The following HECW2 variants were observed in gnomAD, a reference collection of about 807,000 sequenced individuals.
HECW2 encodes HECT, C2 and WW domain containing E3 ubiquitin protein ligase 2, also known as E3 ubiquitin-protein ligase HECW2.
In HECW2, 61 loss-of-function variants were observed where a neutral mutation model predicts 175.2. That is an observed-to-expected ratio of 0.35 (90% CI 0.28 to 0.43). HECW2 has a LOEUF of 0.43. HECW2 is among the 20% of genes least tolerant of loss of function. The probability of loss-of-function intolerance (pLI) is 1.00; values close to 1 mark genes in which losing one functional copy is unlikely to be tolerated. For missense variants in HECW2, 1,524 were observed against 2,000.5 expected (o/e 0.76, Z 4.54); for synonymous variants, 671 against 731.0 (o/e 0.92, Z 1.32).
Position 196,491,470 on chromosome 2 carries a change from G to GTATA in HECW2, c.-35-58013_-35-58012insTATA, listed in dbSNP as rs1365149793. Among the ~76,000 whole-genome samples the GTATA allele has an allele frequency of 1.3e-3, 78 of 60,136 alleles. No homozygotes were observed. The East Asian group carries it at 0.03, about 23-fold the overall frequency. The allele number at this position is 60,136 out of a possible 152,430, so 39.5% of individuals were successfully genotyped here. ...ATACACACTTAGGTATATTAGGTGTGTGTATATATATATATACACATATAT... is the reference window on the plus strand; with the variant it reads ...ATACACACTTAGGTATATTAGGTGTGTATATGTATATATATATATACACATATAT... On this transcript the variant is annotated intron_variant, in intron 1 of 28. Coordinates refer to ENST00000644978, the MANE Select transcript of HECW2 (RefSeq NM_001348768.2).
At position 196,488,395 on chromosome 2, in the gene HECW2, A is replaced by C. The variant is rs192662646; in HGVS notation, c.-35-54937T>G. Among the ~76,000 whole-genome samples the C allele has an allele frequency of 2.6e-5, 4 of 152,306 alleles. No homozygotes were observed. In the East Asian group the frequency reaches 7.7e-4, roughly 29 times the overall value. On this transcript the variant is annotated intron_variant, in intron 1 of 28. Transcript: ENST00000644978. ...AAAAGTCTCAAAGCATAGACACAAA[A>C]CAGCAATTCTTTCTCTTTCTTCTTT...
chr2:196,432,943 T>A (rs1695757912), intron 2 of HECW2, among the ~76,000 whole-genome samples, 189 bp downstream of exon 2: 1 of 152,124 alleles, frequency 6.6e-6, no homozygotes, highest in Non-Finnish European at 1.5e-5. Context: ...AACCACAAAC[T>A]TCATAATATA....
chr2:196,444,133 C>A (rs1354801841), intron 1 of HECW2, among the ~76,000 whole-genome samples: 1 of 152,226 alleles, frequency 6.6e-6, no homozygotes, highest in Admixed American at 6.5e-5. Context: ...AACTTTTACT[C>A]CTTTGTAACC....
intron 2 of HECW2, among the ~76,000 whole-genome samples, chr2:196,402,801 G>GA (rs1234055331): frequency 9.1e-6 from 1 of 109,812 alleles, no homozygotes; most frequent in Non-Finnish European, 1.8e-5. Flanking sequence ...CTTGCCTTGG[G>GA]AATTTTTTTT....
At chr2:196,457,379 A>G (rs1479468208) in intron 1 of HECW2, among the ~76,000 whole-genome samples, 1 of 152,258 alleles carries the variant, frequency 6.6e-6, no homozygotes, top group East Asian at 1.9e-4. Context: ...ATTAGGATGT[A>G]GATTTCTTAA....
At chr2:196,225,165 C>T (rs887117755) in intron 23 of HECW2, among the ~76,000 whole-genome samples, 5 of 152,184 alleles carry the variant, frequency 3.3e-5, no homozygotes, top group African/African-American at 1.2e-4. Context: ...CTACATTTTA[C>T]AATAACTGCA....
At chr2:196,258,978 T>C (rs539210959) in intron 17 of HECW2, among the ~76,000 whole-genome samples, 1 of 152,344 alleles carries the variant, frequency 6.6e-6, no homozygotes, top group East Asian at 1.9e-4. Context: ...CTGATTTTTT[T>C]GTTTGTTTGT....
At chr2:196,410,065 A>T (rs1034002804) in intron 2 of HECW2, among the ~76,000 whole-genome samples, 4 of 152,188 alleles carry the variant, frequency 2.6e-5, no homozygotes, top group African/African-American at 9.7e-5. Flanking sequence ...ACTCCTCAAA[A>T]TAAGTGCTCA....
intron 1 of HECW2, among the ~76,000 whole-genome samples, chr2:196,578,281 T>C (rs1408852245): frequency 6.6e-6 from 1 of 152,050 alleles, no homozygotes; most frequent in Non-Finnish European, 1.5e-5. Context: ...AAAGAATCAG[T>C]GTACTTGAAG....
chr2:196,550,337 T>G (rs1209266843), intron 1 of HECW2, among the ~76,000 whole-genome samples: 8 of 152,176 alleles, frequency 5.3e-5, no homozygotes, highest in African/African-American at 1.9e-4. Flanking sequence ...CGAACAGTGA[T>G]GTGACTCCTC....
At chr2:196,543,690 G>GC (rs1014945757) in intron 1 of HECW2, among the ~76,000 whole-genome samples, 1 of 151,982 alleles carries the variant, frequency 6.6e-6, no homozygotes, top group Non-Finnish European at 1.5e-5. Flanking sequence ...TTGGCTCACT[G>GC]CAACTTCCGC....
At chr2:196,202,549 G>C (rs1346979765) in intron 28 of HECW2, among the ~76,000 whole-genome samples, 2 of 152,144 alleles carry the variant, frequency 1.3e-5, no homozygotes, top group South Asian at 2.1e-4. Flanking sequence ...ACAGAAACAT[G>C]CTTAATAGAA....
At chr2:196,206,311 T>G (rs1477174872) in intron 28 of HECW2, among the ~76,000 whole-genome samples, 1 of 152,228 alleles carries the variant, frequency 6.6e-6, no homozygotes, top group Non-Finnish European at 1.5e-5. Context: ...TTAAGAAGAT[T>G]TAAAAATTCT....
chr2:196,331,549 G>A (rs1692360171), intron 4 of HECW2, among the ~76,000 whole-genome samples: 1 of 152,172 alleles, frequency 6.6e-6, no homozygotes, highest in African/African-American at 2.4e-5. Flanking sequence ...TGCTAAATGA[G>A]TTTAATGAGG....
intron 5 of HECW2, among the ~76,000 whole-genome samples, chr2:196,328,369 G>C (rs1692232153): frequency 6.6e-6 from 1 of 152,064 alleles, no homozygotes; most frequent in Admixed American, 6.6e-5. Flanking sequence ...AAATTTATTG[G>C]CCAAATTTGA....
At chr2:196,313,471 T>C (rs1333933844) in intron 10 of HECW2, among the ~76,000 whole-genome samples, 10 of 152,158 alleles carry the variant, frequency 6.6e-5, no homozygotes, top group Non-Finnish European at 1.3e-4. Context: ...AACTTTCTTA[T>C]TTTTTACGAA....
chr2:196,340,499 G>T (rs1692707759), intron 3 of HECW2, among the ~76,000 whole-genome samples: 1 of 150,422 alleles, frequency 6.6e-6, no homozygotes, highest in African/African-American at 2.5e-5. Flanking sequence ...TGGAGGCTGA[G>T]GCAGGAGAAT....
chr2:196,201,476 G>T, intron 28 of HECW2, 88 bp from the exon 29 acceptor site: 2 of 715,292 alleles, frequency 2.8e-6, no homozygotes, highest in Non-Finnish European at 4.6e-6. Flanking sequence ...GTGTCTGTGT[G>T]TGTATGACTG....
At chr2:196,428,340 G>A (rs7568117) in intron 2 of HECW2, among the ~76,000 whole-genome samples, 144,372 of 152,280 alleles carry the variant, frequency 0.95, 68,534 homozygotes, top group East Asian at 1. Context: ...CTATTGTTAC[G>A]AAACCTGGAT....
Sources: allele counts gnomAD v4.1 joint callset (sites outside exome capture counted in the v4.1 genomes callset), GRCh38; gene constraint gnomAD v4.1.1; transcripts MANE v1.5; gene names NCBI Gene and HGNC (gene_info 2026-07-23, HGNC 2026-07-21).